ACOX3: variants seen among roughly 807,000 people sequenced by gnomAD.
ACOX3 encodes acyl-CoA oxidase 3, pristanoyl.
Under a neutral mutation model 81.5 loss-of-function variants are expected in ACOX3, and 73 were observed. The observed-to-expected ratio is 0.90, with a 90% CI of 0.74 to 1.09. The LOEUF is 1.09. Among genes scored for constraint, ACOX3 ranks in the 50% least tolerant of loss-of-function variants. ACOX3 has a pLI of 0.00. For synonymous variants in ACOX3, 387 were observed against 375.1 expected, an observed-to-expected ratio of 1.03 and a Z score of -0.37; for missense variants, 947 against 928.0, an observed-to-expected ratio of 1.02 and a Z score of -0.27.
chr4:8,361,425 CAAAAAAAAAAAAA>C (rs56251372), downstream of ACOX3, among the ~76,000 whole-genome samples: 22 of 39,026 alleles, frequency 5.6e-4, no homozygotes, highest in East Asian at 7.9e-3. Context: ...GACTCTATCT[CAAAAAAAAAAAAA>C]AAAAAAAAAA....
In ACOX3 at chr4:8,407,702, G is replaced by A. The variant is rs1319188677; in HGVS notation, c.688-1659C>T. On this transcript the variant is annotated intron_variant, in intron 6 of 17. Coordinates refer to ENST00000356406, the MANE Select transcript of ACOX3 (RefSeq NM_003501.3). The surrounding 1 kb of genome is among the most constrained non-coding windows in gnomAD (Gnocchi z 4.6). The stretch of plus-strand genomic sequence containing the variant: ...TGACAAAATGGCTGTGCAAATAGGT[G>A]TAGTGGGAGAAACGGCTATGAATAT... Among the ~76,000 whole-genome samples, 2 of 152,232 alleles carry A rather than the reference G, an allele frequency of 1.3e-5. No individual in the cohort carries two copies. The highest frequency in any genetic ancestry group is 2.9e-5 in the Non-Finnish European group (2 of 68,042).
chr4:8,397,688 G>C (rs964750680), intron 8 of ACOX3, among the ~76,000 whole-genome samples: 44 of 152,194 alleles, frequency 2.9e-4, no homozygotes, highest in African/African-American at 1.0e-3. Context: ...GCTGCGGTGG[G>C]CACATCTAAT....
In ACOX3 at chr4:8,407,032, G is replaced by A. The variant is rs182994434; in HGVS notation, c.688-989C>T. 8.5e-5 allele frequency among the ~76,000 whole-genome samples: 13 copies of A among 152,230 alleles called. No homozygotes were observed. The highest frequency in any genetic ancestry group is 3.9e-4 in the Admixed American group (6 of 15,296). ...GTTTTTCCTTGACACTTATGCTACC[G>A]CTAGACCACGGTCTGCTTGGCAACG... is the stretch of plus-strand genomic sequence containing the variant. On this transcript the variant is annotated intron_variant, in intron 6 of 17. Coordinates refer to ENST00000356406, the MANE Select transcript of ACOX3 (RefSeq NM_003501.3). The surrounding 1 kb of genome is among the most constrained non-coding windows in gnomAD (Gnocchi z 4.6).
chr4:8,421,078 C>T (rs939371068), intron 1 of ACOX3, among the ~76,000 whole-genome samples: 2 of 152,182 alleles, frequency 1.3e-5, no homozygotes, highest in South Asian at 2.1e-4. Flanking sequence ...ATTTTGGAAG[C>T]GGCCCACCAC....
chr4:8,408,193 T>C (rs572649765), intron 6 of ACOX3, among the ~76,000 whole-genome samples: 2 of 151,340 alleles, frequency 1.3e-5, no homozygotes, highest in South Asian at 2.1e-4. Context: ...AAAACCCAAA[T>C]GTAAACATCC....
intron 1 of ACOX3, among the ~76,000 whole-genome samples, chr4:8,429,499 G>C (rs548721097): frequency 6.6e-6 from 1 of 152,328 alleles, no homozygotes; most frequent in East Asian, 1.9e-4. Context: ...GAATTCCTGG[G>C]AATTGCGGAT....
At chr4:8,424,423 C>T (rs62286053) in intron 1 of ACOX3, among the ~76,000 whole-genome samples, 4,129 of 152,256 alleles carry the variant, frequency 0.027, 69 homozygotes, top group South Asian at 0.04. Flanking sequence ...TACACAGGTC[C>T]GAGGGACCAG....
intron 5 of ACOX3, among the ~76,000 whole-genome samples, chr4:8,412,535 A>G (rs1431307088): frequency 6.6e-6 from 1 of 152,184 alleles, no homozygotes; most frequent in Non-Finnish European, 1.5e-5. Flanking sequence ...TGGATGGAAG[A>G]ATGAATGGAC....
intron 1 of ACOX3, among the ~76,000 whole-genome samples, chr4:8,418,244 T>C (rs1475136815): frequency 2.0e-5 from 3 of 152,146 alleles, no homozygotes; most frequent in African/African-American, 7.2e-5. Flanking sequence ...TCTCTTGTAA[T>C]ACAGATGCAA....
chr4:8,377,275 C>T (rs1717090469), intron 14 of ACOX3, among the ~76,000 whole-genome samples: 1 of 152,222 alleles, frequency 6.6e-6, no homozygotes. Context: ...TCCCCGTCGC[C>T]TGCACAGTTG....
chr4:8,360,933 A>G, the ACOX3 span, among the ~76,000 whole-genome samples: 2 of 152,180 alleles, frequency 1.3e-5, no homozygotes, highest in Admixed American at 6.5e-5. Flanking sequence ...CTGGTACACA[A>G]TTAGAATCCC....
chr4:8,374,796 A>G, intron 15 of ACOX3, 182 bp downstream of exon 15: 1 of 622,770 alleles, frequency 1.6e-6, no homozygotes. Context: ...CACCACCCTG[A>G]CGCTGCTCTG....
chr4:8,358,106 G>GAC, the ACOX3 span: 1 of 152,206 alleles, frequency 6.6e-6, no homozygotes, highest in Non-Finnish European at 1.5e-5. Context: ...AGCATCACAT[G>GAC]ACACATAGTA....
the ACOX3 span, among the ~76,000 whole-genome samples, chr4:8,360,618 C>T: frequency 2.0e-4 from 30 of 152,138 alleles, no homozygotes; most frequent in East Asian, 5.6e-3. Flanking sequence ...ACTACAGGCA[C>T]CCGCCACCAC....
At chr4:8,356,874 C>T in the ACOX3 span, 29 of 453,794 alleles carry the variant, frequency 6.4e-5, no homozygotes, top group Non-Finnish European at 1.2e-4. Flanking sequence ...CTAACATGAT[C>T]CCAGCAGGGG....
At chr4:8,429,910 TA>T (rs879433941) in intron 1 of ACOX3, among the ~76,000 whole-genome samples, 277 of 143,420 alleles carry the variant, frequency 1.9e-3, no homozygotes, top group Admixed American at 1.9e-3. Context: ...GACTCTGCAT[TA>T]AAAAAAAAAA....
At chr4:8,393,657 ACACG>A (rs1719334032) in intron 10 of ACOX3, among the ~76,000 whole-genome samples, 2 of 147,030 alleles carry the variant, frequency 1.4e-5, no homozygotes, top group Non-Finnish European at 3.1e-5. Context: ...ACACACACAC[ACACG>A]CATGCTAAGT....
chr4:8,396,608 C>T (rs1253667734), intron 9 of ACOX3, among the ~76,000 whole-genome samples: 1 of 140,798 alleles, frequency 7.1e-6, no homozygotes, highest in Non-Finnish European at 1.5e-5. Context: ...ACCTGGGAGG[C>T]GGAGGTTGCA....
Position 8,382,819 on chromosome 4 carries a change from C to T in ACOX3, c.1538-1212G>A, listed in dbSNP as rs1024865464. Among the ~76,000 whole-genome samples, 9 of 151,874 alleles carry T rather than the reference C, an allele frequency of 5.9e-5. No individual in the cohort carries two copies. The highest frequency in any genetic ancestry group is 2.2e-4 in the African/African-American group (9 of 41,374). On this transcript the variant is annotated intron_variant, in intron 13 of 17. Coordinates refer to ENST00000356406, the MANE Select transcript of ACOX3 (RefSeq NM_003501.3). This position sits in a 1 kb window ranked among gnomAD's most constrained non-coding sequence, Gnocchi z 4.1. ...CATCCTGGCTAACACGGTGAAACCC[C>T]GTCTCTACTAAAAATACAAAAAATT... is the stretch of plus-strand genomic sequence containing the variant.
Sources: gnomAD v4.1 joint callset for allele counts (sites outside exome capture counted in the v4.1 genomes callset) on GRCh38, gnomAD v4.1.1 for gene constraint, Gnocchi (gnomAD v3.1) non-coding constraint, MANE v1.5 for transcripts, NCBI Gene and HGNC (gene_info 2026-07-23, HGNC 2026-07-21) for gene names.